The following PRDM10 variants were observed in gnomAD, a reference collection of about 807,000 sequenced individuals.
PRDM10 encodes the protein PR/SET domain 10.
A neutral mutation model predicts 133.1 loss-of-function variants in PRDM10; 65 were observed. That is an observed-to-expected ratio of 0.49 (90% CI 0.40 to 0.60). The LOEUF (loss-of-function observed/expected upper bound fraction) is 0.60, where lower values mean the gene tolerates loss of function less well. Among genes scored for constraint, PRDM10 ranks in the 20% least tolerant of loss-of-function variants. The pLI, the probability that PRDM10 is intolerant of heterozygous loss-of-function variation, is 0.00. For missense variants in PRDM10, 1,137 were observed against 1,507.1 expected, an observed-to-expected ratio of 0.75 and a Z score of 4.07; for synonymous variants, 582 against 580.4, an observed-to-expected ratio of 1.00 and a Z score of -0.04.
chr11:129,944,657 A>T, intron 6 of PRDM10, 114 bp downstream of exon 6: 1 of 1,423,770 alleles, frequency 7.0e-7, no homozygotes, highest in Middle Eastern at 1.8e-4. Context: ...GATAGAAAGA[A>T]GAATACTAGC....
intron 1 of PRDM10, among the ~76,000 whole-genome samples, chr11:130,000,858 G>T (rs1939320385): frequency 6.6e-6 from 1 of 152,186 alleles, no homozygotes; most frequent in Non-Finnish European, 1.5e-5. Flanking sequence ...TGCAATCCCA[G>T]CACTTAGGGA....
intron 5 of PRDM10, among the ~76,000 whole-genome samples, chr11:129,946,281 AAAAG>A (rs1386318543): frequency 6.6e-6 from 1 of 152,028 alleles, no homozygotes; most frequent in Non-Finnish European, 1.5e-5. Flanking sequence ...AAAACAAACA[AAAAG>A]AAAAGAAAAG....
Position 129,947,694 on chromosome 11 carries a change from T to A in PRDM10, c.295-324A>T. The A allele has an allele frequency of 1.7e-6, 1 of 600,624 alleles. No homozygotes were observed. The highest frequency in any genetic ancestry group is 2.7e-6 in the Non-Finnish European group (1 of 369,562). 37.2% of individuals were successfully genotyped at this position (600,624 alleles called of 1,614,324 possible). Reference sequence around the variant, plus strand: ...CAACACTGGCAAGGCCCTGACCACCTGCGTCCTGACCCCACCCCTAAAACT... The same window carrying A: ...CAACACTGGCAAGGCCCTGACCACCAGCGTCCTGACCCCACCCCTAAAACT... On this transcript the variant is annotated intron_variant, in intron 4 of 20. Transcript: ENST00000360871. The surrounding 1 kb of genome is among the most constrained non-coding windows in gnomAD (Gnocchi z 4.6).
chr11:129,995,182 G>A (rs189180815), intron 1 of PRDM10, among the ~76,000 whole-genome samples: 4 of 152,204 alleles, frequency 2.6e-5, no homozygotes, highest in Admixed American at 2.0e-4. Context: ...TACACAGTCC[G>A]GAATAATTTT....
At chr11:129,926,487 C>T (rs1591608208) in intron 11 of PRDM10, among the ~76,000 whole-genome samples, 2 of 152,126 alleles carry the variant, frequency 1.3e-5, no homozygotes, top group Non-Finnish European at 2.9e-5. Flanking sequence ...GATCTTAGTG[C>T]GATCTTAACT....
At chr11:129,969,080 C>T (rs534355730) in intron 1 of PRDM10, among the ~76,000 whole-genome samples, 2 of 152,338 alleles carry the variant, frequency 1.3e-5, no homozygotes, top group East Asian at 3.9e-4. Context: ...AACATATGTT[C>T]AGACAGGAAG....
intron 1 of PRDM10, among the ~76,000 whole-genome samples, chr11:129,961,664 C>A (rs1951798162): frequency 1.3e-5 from 2 of 151,818 alleles, no homozygotes; most frequent in African/African-American, 2.4e-5. Flanking sequence ...GAGTTTGAGA[C>A]CAGCCTGGTT....
At chr11:129,932,373 C>G in intron 9 of PRDM10, 142 bp from the exon 10 acceptor site, 1 of 1,064,218 alleles carries the variant, frequency 9.4e-7, no homozygotes, top group Non-Finnish European at 1.3e-6. Flanking sequence ...ATAGAAACAA[C>G]TGTTTTACTA....
At chr11:129,931,576 A>AT (rs66505343) in intron 10 of PRDM10, among the ~76,000 whole-genome samples, 4,356 of 143,250 alleles carry the variant, frequency 0.03, 231 homozygotes, top group African/African-American at 0.1. Context: ...ATTTTATTTT[A>AT]TTTTTTTTTT....
chr11:129,908,924 T>C (rs1950096720), intron 19 of PRDM10, among the ~76,000 whole-genome samples: 1 of 151,196 alleles, frequency 6.6e-6, no homozygotes, highest in Admixed American at 6.6e-5. Context: ...GAGATGGGGT[T>C]TCACCATGTT....
intron 8 of PRDM10, among the ~76,000 whole-genome samples, chr11:129,936,546 G>A (rs1168204747): frequency 3.3e-5 from 5 of 152,032 alleles, no homozygotes; most frequent in South Asian, 2.1e-4. Flanking sequence ...CCAGCTACTC[G>A]GGAGGCTGAG....
intron 14 of PRDM10, 123 bp from the exon 15 acceptor site, chr11:129,917,360 T>C (rs1247748605): frequency 4.2e-6 from 3 of 709,196 alleles, no homozygotes; most frequent in Non-Finnish European, 6.9e-6. Context: ...CCCCAAATAA[T>C]AAGGCATTTG....
chr11:129,916,538 A>G (rs1375592375), intron 15 of PRDM10, among the ~76,000 whole-genome samples: 1 of 152,198 alleles, frequency 6.6e-6, no homozygotes, highest in Non-Finnish European at 1.5e-5. Context: ...CTCCAGAGGC[A>G]GAGGCAGGAG....
chr11:129,968,742 G>A (rs1951956155), intron 1 of PRDM10, among the ~76,000 whole-genome samples: 1 of 152,044 alleles, frequency 6.6e-6, no homozygotes, highest in African/African-American at 2.4e-5. Context: ...CCTCCTAGGA[G>A]CCCTGAGTTC....
intron 9 of PRDM10, among the ~76,000 whole-genome samples, chr11:129,934,094 C>T (rs1344610937): frequency 6.6e-6 from 1 of 152,208 alleles, no homozygotes; most frequent in Non-Finnish European, 1.5e-5. Context: ...GCTCTCAGTT[C>T]CCATCCCATG....
intron 1 of PRDM10, among the ~76,000 whole-genome samples, chr11:129,988,487 C>T (rs1001991597): frequency 1.3e-5 from 2 of 151,914 alleles, no homozygotes; most frequent in Admixed American, 6.6e-5. Context: ...CTGCCTCGGC[C>T]TCCCAAAGTG....
chr11:129,989,617 A>G (rs907664458), intron 1 of PRDM10, among the ~76,000 whole-genome samples: 1 of 152,188 alleles, frequency 6.6e-6, no homozygotes, highest in Non-Finnish European at 1.5e-5. Context: ...ATGACTCAAC[A>G]AATCACAAAC....
intron 1 of PRDM10, among the ~76,000 whole-genome samples, chr11:129,998,848 G>C (rs115319691): frequency 1.3e-5 from 2 of 148,196 alleles, no homozygotes; most frequent in African/African-American, 5.0e-5. Context: ...TGGAGACAGG[G>C]TCTCACTCTG....
At chr11:129,959,065 G>A (rs918539486) in intron 2 of PRDM10, among the ~76,000 whole-genome samples, 1 of 152,194 alleles carries the variant, frequency 6.6e-6, no homozygotes, top group African/African-American at 2.4e-5. Context: ...CACTCTTAGG[G>A]TGGAATCCTT....
Sources: gnomAD v4.1 joint callset for allele counts (sites outside exome capture counted in the v4.1 genomes callset) on GRCh38, gnomAD v4.1.1 for gene constraint, Gnocchi (gnomAD v3.1) non-coding constraint, MANE v1.5 for transcripts, NCBI Gene and HGNC (gene_info 2026-07-23, HGNC 2026-07-21) for gene names.